The following TMEM132D variants were observed in gnomAD, a reference collection of about 807,000 sequenced individuals.
TMEM132D encodes transmembrane protein 132D, also known as mature OL transmembrane protein.
TMEM132D carries 21 observed loss-of-function variants against 62.3 expected under a neutral mutation model. The ratio of observed to expected loss-of-function variants is 0.34; its 90% CI spans 0.24 to 0.49. The LOEUF is 0.49. Ranked by LOEUF, TMEM132D falls within the 20% of genes least tolerant of loss-of-function variation. TMEM132D has a pLI of 0.99. For synonymous variants in TMEM132D, 621 were observed against 575.6 expected (o/e 1.08, Z -1.13); for missense variants, 1,346 against 1,402.8 (o/e 0.96, Z 0.65).
intron 2 of TMEM132D, among the ~76,000 whole-genome samples, chr12:129,551,730 T>G (rs1876904494): frequency 6.6e-6 from 1 of 152,176 alleles, no homozygotes. Flanking sequence ...TTCATTTCAT[T>G]GTATTACCTG....
At chr12:129,730,217 C>G (rs1389110873) in intron 1 of TMEM132D, among the ~76,000 whole-genome samples, 1 of 152,138 alleles carries the variant, frequency 6.6e-6, no homozygotes, top group East Asian at 1.9e-4. Context: ...AGCCGAAAGT[C>G]TAATCTGGAC....
chr12:129,456,684 G>A (rs936325965), intron 3 of TMEM132D, among the ~76,000 whole-genome samples: 3 of 152,126 alleles, frequency 2.0e-5, no homozygotes, highest in African/African-American at 4.8e-5. Context: ...ACCCATAAAC[G>A]GCAGATGGAA....
In TMEM132D at chr12:129,081,910, C is replaced by G. The variant is rs1874461940; in HGVS notation, c.1772G>C (p.Gly591Ala). ...TQFVAEAAGP[G>A]GHLAHLLGSD... The stretch of plus-strand genomic sequence containing the variant: ...GCCCAGCAGGTGGGCCAGGTGTCCC[C>G]CAGGGCCGGCCGCCTCAGCCACAAA... Residue 591 changes from glycine (G) to alanine (A), a missense_variant, in exon 7 of 9, where the codon GGG becomes GCG. Physicochemically the swap from Gly to Ala is moderately conservative, Grantham distance 60. Transcript: ENST00000422113. 6.2e-7 allele frequency: 1 copy of G among 1,614,070 alleles called. No homozygotes were observed. Among genetic ancestry groups the G allele is most frequent in the African/African-American group, 1.3e-5 (1 of 75,038 alleles).
chr12:129,481,885 C>T (rs1047503914), intron 3 of TMEM132D, among the ~76,000 whole-genome samples: 1 of 152,224 alleles, frequency 6.6e-6, no homozygotes, highest in Admixed American at 6.5e-5. Flanking sequence ...CCACCACCTA[C>T]ACACATACAC....
chr12:129,452,402 C>T (rs73151078), intron 3 of TMEM132D, among the ~76,000 whole-genome samples: 15,111 of 152,232 alleles, frequency 0.099, 817 homozygotes, highest in East Asian at 0.2. Flanking sequence ...ATCTTCCGTG[C>T]TTACAAAGTG....
intron 2 of TMEM132D, among the ~76,000 whole-genome samples, chr12:129,644,358 A>G (rs1473485839): frequency 6.6e-6 from 1 of 152,122 alleles, no homozygotes; most frequent in Admixed American, 6.5e-5. Flanking sequence ...CCCTTCTCTG[A>G]GCAGGCTTCC....
At chr12:129,487,964 G>C (rs1045570293) in intron 3 of TMEM132D, among the ~76,000 whole-genome samples, 1 of 107,662 alleles carries the variant, frequency 9.3e-6, no homozygotes, top group African/African-American at 3.6e-5. Flanking sequence ...AAAAAAAAAA[G>C]AGTGAATCTG....
intron 2 of TMEM132D, among the ~76,000 whole-genome samples, chr12:129,695,094 T>G (rs11608839): frequency 0.27 from 41,781 of 152,234 alleles, 6,195 homozygotes; most frequent in Admixed American, 0.35. Context: ...TTCTGGGAGC[T>G]GCCTGATTCA....
intron 2 of TMEM132D, among the ~76,000 whole-genome samples, chr12:129,693,348 C>T (rs10847924): frequency 0.37 from 56,998 of 152,028 alleles, 10,886 homozygotes; most frequent in East Asian, 0.58. Context: ...GAAATAAGTA[C>T]ATTATTGAAT....
chr12:129,711,313 C>T (rs1881637386), intron 1 of TMEM132D, among the ~76,000 whole-genome samples: 1 of 152,200 alleles, frequency 6.6e-6, no homozygotes, highest in Non-Finnish European at 1.5e-5. Flanking sequence ...AACATAAGCT[C>T]TTGGCTCTAT....
intron 1 of TMEM132D, among the ~76,000 whole-genome samples, chr12:129,777,541 G>GC (rs1870980633): frequency 6.6e-6 from 1 of 152,114 alleles, no homozygotes; most frequent in African/African-American, 2.4e-5. Context: ...GCAAGCTACT[G>GC]CAACTACTGC....
intron 1 of TMEM132D, among the ~76,000 whole-genome samples, chr12:129,720,958 C>G (rs868639910): frequency 6.6e-6 from 1 of 152,330 alleles, no homozygotes; most frequent in Admixed American, 6.5e-5. Context: ...CAGGAGCTGA[C>G]AGCCAGGTCA....
chr12:129,230,370 G>A (rs1879605502), intron 4 of TMEM132D, among the ~76,000 whole-genome samples: 1 of 152,190 alleles, frequency 6.6e-6, no homozygotes, highest in South Asian at 2.1e-4. Context: ...GTGGGGCTGT[G>A]ATTCTATGAT....
chr12:129,429,944 G>A (rs12372460), intron 3 of TMEM132D, among the ~76,000 whole-genome samples: 2,933 of 151,972 alleles, frequency 0.019, 36 homozygotes, highest in Non-Finnish European at 0.03. Context: ...AGTATTCCAT[G>A]GTGTATATGT....
In TMEM132D at chr12:129,794,253, A is replaced by ATTTT. The variant is rs3046861; in HGVS notation, c.80-93559_80-93556dup. Among the ~76,000 whole-genome samples the ATTTT allele has an allele frequency of 7.4e-4, 82 of 111,542 alleles. 2 individuals carry two copies. The highest frequency in any genetic ancestry group is 9.6e-4 in the South Asian group (3 of 3,118). 73.2% of individuals were successfully genotyped at this position (111,542 alleles called of 152,430 possible). A position where few individuals can be genotyped will look rare whatever the true frequency, so the allele number is the denominator to read the frequency against. On this transcript the variant is annotated intron_variant, in intron 1 of 8. Coordinates refer to ENST00000422113, the MANE Select transcript of TMEM132D (RefSeq NM_133448.3). ...ACAGGCGTGCACCACCATGCCCAGCATTTTTTTTTTTTTTTTTTTTGTATT... is the reference window on the plus strand; with the variant it reads ...ACAGGCGTGCACCACCATGCCCAGCATTTTTTTTTTTTTTTTTTTTTTTTGTATT...
intron 2 of TMEM132D, among the ~76,000 whole-genome samples, chr12:129,643,670 C>T (rs1428641317): frequency 6.6e-6 from 1 of 152,110 alleles, no homozygotes; most frequent in Non-Finnish European, 1.5e-5. Context: ...TTCAAAGTCC[C>T]CCCTCTGCTC....
intron 4 of TMEM132D, among the ~76,000 whole-genome samples, chr12:129,334,036 G>A (rs901777909): frequency 1.3e-5 from 2 of 152,198 alleles, no homozygotes; most frequent in Middle Eastern, 3.4e-3. Context: ...CAGGAGAATC[G>A]CTTGAACCTG....
intron 5 of TMEM132D, among the ~76,000 whole-genome samples, chr12:129,181,323 C>T (rs375313451): frequency 6.6e-6 from 1 of 152,050 alleles, no homozygotes; most frequent in Non-Finnish European, 1.5e-5. Context: ...CTCTAAAACA[C>T]ACCTCCTTCT....
At chr12:129,241,177 A>G (rs1207338398) in intron 4 of TMEM132D, among the ~76,000 whole-genome samples, 1 of 151,484 alleles carries the variant, frequency 6.6e-6, no homozygotes, top group Non-Finnish European at 1.5e-5. Context: ...AAAAGGAAAG[A>G]AAAAAACTCC....
Sources: allele counts gnomAD v4.1 joint callset (sites outside exome capture counted in the v4.1 genomes callset), GRCh38; gene constraint gnomAD v4.1.1; transcripts MANE v1.5; gene names NCBI Gene and HGNC (gene_info 2026-07-23, HGNC 2026-07-21).